PRKG1: variants seen among roughly 807,000 people sequenced by gnomAD.
The protein encoded by PRKG1 is protein kinase cGMP-dependent 1.
PRKG1 carries 35 observed loss-of-function variants against 88.1 expected under a neutral mutation model. The ratio of observed to expected loss-of-function variants is 0.40; its 90% confidence interval spans 0.30 to 0.53. The LOEUF (loss-of-function observed/expected upper bound fraction) is 0.53. Among genes scored for constraint, PRKG1 ranks in the 20% least tolerant of loss-of-function variants. The pLI is 0.59. For synonymous variants in PRKG1, 303 were observed against 292.5 expected, an observed-to-expected ratio of 1.04 and a Z score of -0.37; for missense variants, 540 against 839.8, an observed-to-expected ratio of 0.64 and a Z score of 4.41.
chr10:51,619,740 A>G (rs1047503498), intron 3 of PRKG1, among the ~76,000 whole-genome samples: 1 of 152,224 alleles, frequency 6.6e-6, no homozygotes, highest in Admixed American at 6.5e-5. Context: ...TTTAGAGATT[A>G]TAGGTAATTT....
chr10:51,924,874 C>G (rs2132987877), intron 5 of PRKG1, among the ~76,000 whole-genome samples: 1 of 151,442 alleles, frequency 6.6e-6, no homozygotes, highest in South Asian at 2.1e-4. Flanking sequence ...CTTTTAATTT[C>G]TAGCATTTTC....
intron 9 of PRKG1, among the ~76,000 whole-genome samples, chr10:52,219,095 A>T (rs1265335189): frequency 6.6e-6 from 1 of 152,156 alleles, no homozygotes; most frequent in African/African-American, 2.4e-5. Flanking sequence ...CATGGTGAGC[A>T]CTTCTGTAAG....
At chr10:51,096,509 C>T (rs12570681) in intron 1 of PRKG1, among the ~76,000 whole-genome samples, 3,254 of 152,072 alleles carry the variant, frequency 0.021, 98 homozygotes, top group East Asian at 0.13. Context: ...GTGCCCTTTA[C>T]CTCTCTACAC....
At chr10:51,437,035 G>A (rs922086201) in intron 2 of PRKG1, among the ~76,000 whole-genome samples, 2 of 151,880 alleles carry the variant, frequency 1.3e-5, no homozygotes, top group African/African-American at 4.8e-5. Flanking sequence ...CCAGTAAGCT[G>A]GTTTGTTAGT....
intron 3 of PRKG1, among the ~76,000 whole-genome samples, chr10:51,564,214 A>T (rs1380217445): frequency 9.2e-6 from 1 of 109,228 alleles, no homozygotes; most frequent in Non-Finnish European, 1.9e-5. Context: ...ATAAACAGGC[A>T]AAACAAAACA....
At position 51,586,096 on chromosome 10, in the gene PRKG1, C is replaced by G. The variant is rs535149431; in HGVS notation, c.592+118260C>G. On this transcript the variant is annotated intron_variant, in intron 3 of 17. Coordinates refer to ENST00000373980, the MANE Select transcript of PRKG1 (RefSeq NM_006258.4). ...GGTATCACGCAACATACCCATTTTACAAACCTGCACATATACCTTCTGAAT... is the reference window on the plus strand; with the variant it reads ...GGTATCACGCAACATACCCATTTTAGAAACCTGCACATATACCTTCTGAAT... 2.0e-5 allele frequency among the ~76,000 whole-genome samples: 3 copies of G among 152,008 alleles called. No homozygotes were observed. The South Asian group carries it at 6.2e-4, about 32-fold the overall frequency.
At chr10:52,084,998 T>A (rs1295594213) in intron 7 of PRKG1, among the ~76,000 whole-genome samples, 1 of 152,084 alleles carries the variant, frequency 6.6e-6, no homozygotes, top group East Asian at 1.9e-4. Context: ...TATTTCCTCA[T>A]GACTACATTG....
chr10:51,734,067 T>C (rs1837197029), intron 3 of PRKG1, among the ~76,000 whole-genome samples: 1 of 152,042 alleles, frequency 6.6e-6, no homozygotes, highest in African/African-American at 2.4e-5. Flanking sequence ...TATTTTAGCT[T>C]TTTTAAAAAA....
intron 2 of PRKG1, among the ~76,000 whole-genome samples, chr10:51,440,759 T>C (rs1011885117): frequency 2.0e-5 from 3 of 151,932 alleles, no homozygotes; most frequent in Admixed American, 6.6e-5. Context: ...TGAAATGCTA[T>C]TGCATTTTTC....
At chr10:52,159,123 G>T (rs1442179314) in intron 8 of PRKG1, among the ~76,000 whole-genome samples, 2 of 151,536 alleles carry the variant, frequency 1.3e-5, no homozygotes, top group East Asian at 3.9e-4. Flanking sequence ...AGTCCTATGG[G>T]TGATTTCTTA....
chr10:52,032,411 G>C (rs1395527041), intron 5 of PRKG1, among the ~76,000 whole-genome samples: 1 of 152,052 alleles, frequency 6.6e-6, no homozygotes, highest in Non-Finnish European at 1.5e-5. Context: ...GTAAAATAGA[G>C]ATCATAATAA....
chr10:51,811,119 T>C lies in PRKG1; in HGVS notation c.698+6429T>C, dbSNP rs1383915930. 3.3e-5 allele frequency among the ~76,000 whole-genome samples: 5 copies of C among 152,170 alleles called. No individual in the cohort carries two copies. In the East Asian group the frequency reaches 9.6e-4, roughly 29 times the overall value. On this transcript the variant is annotated intron_variant, in intron 4 of 17. Transcript: ENST00000373980. ...ACTAAAACTCAGGTTTCTGAATCTC[T>C]AGCCTGAGTATTACACCTTACCTGG...
At chr10:52,190,838 T>A (rs1839344095) in intron 9 of PRKG1, among the ~76,000 whole-genome samples, 1 of 152,148 alleles carries the variant, frequency 6.6e-6, no homozygotes, top group South Asian at 2.1e-4. Flanking sequence ...AACTGCTTTG[T>A]CGAGTTCTTT....
At position 51,598,690 on chromosome 10, in the gene PRKG1, A is replaced by T. The variant is rs374239144; in HGVS notation, c.592+130854A>T. Among the ~76,000 whole-genome samples the T allele has an allele frequency of 6.6e-5, 10 of 152,226 alleles. No individual in the cohort carries two copies. In the East Asian group the frequency reaches 1.5e-3, roughly 23 times the overall value. On this transcript the variant is annotated intron_variant, in intron 3 of 17. Coordinates refer to ENST00000373980, the MANE Select transcript of PRKG1 (RefSeq NM_006258.4). Reference sequence around the variant, plus strand: ...CCCAGGCTATATGATGTTTAATCTAAGTGGAGCATTAAATGCTCAGTAGAA... The same window carrying T: ...CCCAGGCTATATGATGTTTAATCTATGTGGAGCATTAAATGCTCAGTAGAA...
At chr10:51,646,649 G>A (rs1839921086) in intron 3 of PRKG1, among the ~76,000 whole-genome samples, 2 of 152,014 alleles carry the variant, frequency 1.3e-5, no homozygotes, top group African/African-American at 4.8e-5. Flanking sequence ...AGAAGGAAAG[G>A]GGAGAGAGGC....
chr10:51,961,783 C>T (rs1489760957), intron 5 of PRKG1, among the ~76,000 whole-genome samples: 1 of 151,992 alleles, frequency 6.6e-6, no homozygotes, highest in Non-Finnish European at 1.5e-5. Context: ...GTTGTGTATT[C>T]GATACTTGAG....
intron 3 of PRKG1, among the ~76,000 whole-genome samples, chr10:51,725,401 A>G (rs1842105995): frequency 2.0e-5 from 3 of 151,610 alleles, no homozygotes; most frequent in Admixed American, 6.6e-5. Context: ...GTAAATAATT[A>G]TGTGCATGGT....
intron 14 of PRKG1, among the ~76,000 whole-genome samples, chr10:52,285,231 GT>G (rs1842091095): frequency 6.6e-6 from 1 of 151,954 alleles, no homozygotes; most frequent in South Asian, 2.1e-4. Context: ...CCAGTTTTAG[GT>G]TTTGATTCAG....
At chr10:51,001,101 T>G (rs1458432460) in intron 1 of PRKG1, among the ~76,000 whole-genome samples, 1 of 152,222 alleles carries the variant, frequency 6.6e-6, no homozygotes, top group Admixed American at 6.5e-5. Context: ...GAAAAACATT[T>G]GACTCTCATC....
Sources: gnomAD v4.1 joint callset for allele counts (sites outside exome capture counted in the v4.1 genomes callset) on GRCh38, gnomAD v4.1.1 for gene constraint, MANE v1.5 for transcripts, NCBI Gene and HGNC (gene_info 2026-07-23, HGNC 2026-07-21) for gene names.